CRYBG1: variants seen among roughly 807,000 people sequenced by gnomAD.
The protein encoded by CRYBG1 is beta/gamma crystallin domain-containing protein 1.
In CRYBG1, 139 loss-of-function variants were observed where a neutral mutation model predicts 189.2. The ratio of observed to expected loss-of-function variants is 0.73; its 90% CI spans 0.64 to 0.85. The LOEUF is 0.85. CRYBG1 is among the 40% of genes least tolerant of loss of function. CRYBG1 has a pLI of 0.00. For missense variants in CRYBG1, 2,611 were observed against 2,675.8 expected, an observed-to-expected ratio of 0.98 and a Z score of 0.53; for synonymous variants, 1,023 against 1,017.1, an observed-to-expected ratio of 1.01 and a Z score of -0.11.
At chr6:106,449,292 C>A (rs1771731308) in intron 1 of CRYBG1, 1 of 152,258 alleles carries the variant, frequency 6.6e-6, no homozygotes, top group Non-Finnish European at 1.5e-5. Context: ...AGTCAATGGG[C>A]ACATATGTTT....
chr6:106,543,304 A>C, intron 10 of CRYBG1, 136 bp from the exon 11 acceptor site: 1 of 782,742 alleles, frequency 1.3e-6, no homozygotes, highest in Non-Finnish European at 2.0e-6. Flanking sequence ...TGCTGGGATA[A>C]CAGGCGTGAG....
chr6:106,511,918 C>T lies in CRYBG1; in HGVS notation c.801C>T (p.Asn267=), dbSNP rs1582806808. The change falls in exon 3 of 22, where the codon AAC becomes AAT. Residue 267 remains asparagine, a synonymous_variant. Coordinates refer to ENST00000633556, the MANE Select transcript of CRYBG1 (RefSeq NM_001371242.2). The part of the protein sequence containing the change: ...SSPGNSSRQE[N]AETPARSPGE... ...CGGGAAATTCCTCCAGGCAAGAGAA[C>T]GCAGAGACGCCCGCCCGCAGTCCGG... 4 of 1,524,264 alleles carry T rather than the reference C, an allele frequency of 2.6e-6. No individual in the cohort carries two copies. The highest frequency in any genetic ancestry group is 4.9e-5 in the East Asian group (2 of 40,718). The allele number at this position is 1,524,264 out of a possible 1,614,324, so 94.4% of individuals were successfully genotyped here. A position where few individuals can be genotyped will look rare whatever the true frequency, so the allele number is the denominator to read the frequency against.
chr6:106,480,854 C>A, intron 2 of CRYBG1, among the ~76,000 whole-genome samples: 1 of 150,664 alleles, frequency 6.6e-6, no homozygotes, highest in Non-Finnish European at 1.5e-5. Context: ...TGCCTGTAAT[C>A]CAGCTGCTTG....
intron 1 of CRYBG1, among the ~76,000 whole-genome samples, chr6:106,374,660 A>G (rs1770111745): frequency 6.6e-6 from 1 of 152,214 alleles, no homozygotes; most frequent in South Asian, 2.1e-4. Flanking sequence ...TGTTACTGCT[A>G]AAGGAATTCC....
chr6:106,422,344 A>ATTTATTTATTTTTTTT (rs57640822), intron 1 of CRYBG1, among the ~76,000 whole-genome samples: 2,264 of 139,836 alleles, frequency 0.016, 55 homozygotes, highest in African/African-American at 0.037. Context: ...TTATTTATTT[A>ATTTATTTATTTTTTTT]TTTTTGAGAC....
At chr6:106,399,657 TC>T (rs1192377231) in intron 1 of CRYBG1, among the ~76,000 whole-genome samples, 1 of 85,018 alleles carries the variant, frequency 1.2e-5, no homozygotes, top group East Asian at 4.7e-4. Context: ...AGTTTTTCTT[TC>T]TTTTTTTTTT....
chr6:106,460,219 C>T (rs1365666277), intron 2 of CRYBG1, among the ~76,000 whole-genome samples: 34 of 151,928 alleles, frequency 2.2e-4, no homozygotes, highest in Admixed American at 2.2e-3. Flanking sequence ...TCTTGATCTC[C>T]TGACCTCGTG....
chr6:106,486,434 G>A (rs1772593722), intron 2 of CRYBG1, among the ~76,000 whole-genome samples: 1 of 152,048 alleles, frequency 6.6e-6, no homozygotes, highest in Admixed American at 6.6e-5. Flanking sequence ...GCTATTGGAT[G>A]GAATGTTCTG....
intron 1 of CRYBG1, among the ~76,000 whole-genome samples, chr6:106,426,661 G>T (rs1012846921): frequency 1.3e-5 from 2 of 152,172 alleles, no homozygotes; most frequent in Non-Finnish European, 2.9e-5. Flanking sequence ...GGTGTCCCCA[G>T]TGGGCAGAGT....
chr6:106,493,998 C>T (rs1485455794), intron 2 of CRYBG1, among the ~76,000 whole-genome samples: 1 of 152,062 alleles, frequency 6.6e-6, no homozygotes, highest in African/African-American at 2.4e-5. Context: ...GTGGTATATG[C>T]ATACAATGGT....
At chr6:106,470,228 G>A (rs9386549) in intron 2 of CRYBG1, among the ~76,000 whole-genome samples, 19,856 of 152,136 alleles carry the variant, frequency 0.13, 1,506 homozygotes, top group South Asian at 0.25. Context: ...GGAGGCTGAG[G>A]AGGGAAGATC....
chr6:106,427,854 C>G (rs911140104), intron 1 of CRYBG1, among the ~76,000 whole-genome samples: 1 of 152,168 alleles, frequency 6.6e-6, no homozygotes, highest in Non-Finnish European at 1.5e-5. Flanking sequence ...CTCTGTCTGC[C>G]TCTTGCAGCT....
At chr6:106,362,319 T>G (rs1362076993) in intron 1 of CRYBG1, among the ~76,000 whole-genome samples, 6 of 152,190 alleles carry the variant, frequency 3.9e-5, no homozygotes, top group South Asian at 2.1e-4. Context: ...TTTCATTCAC[T>G]TATTGTATTG....
rs144447596 is a variant in CRYBG1, at chr6:106,497,634, G to A, written c.313-13796G>A. On this transcript the variant is annotated intron_variant, in intron 2 of 21. Transcript: ENST00000633556. ...GAACAGAACAAGCAATAGAAGAAGA[G>A]AAAGAGCACAAACATTACTAGGCAT... Among the ~76,000 whole-genome samples the A allele has an allele frequency of 7.9e-5, 12 of 152,358 alleles. No homozygotes were observed. In the East Asian group the frequency reaches 2.1e-3, roughly 27 times the overall value.
At chr6:106,465,990 T>C (rs1043401237) in intron 2 of CRYBG1, among the ~76,000 whole-genome samples, 6 of 152,196 alleles carry the variant, frequency 3.9e-5, no homozygotes, top group African/African-American at 1.4e-4. Flanking sequence ...ATCCCTTCCT[T>C]CCAGTCATTT....
chr6:106,439,139 G>A (rs916035523), intron 1 of CRYBG1, among the ~76,000 whole-genome samples: 1 of 151,414 alleles, frequency 6.6e-6, no homozygotes, highest in Non-Finnish European at 1.5e-5. Context: ...AAAAACGGAT[G>A]ACAGATTGGG....
At chr6:106,494,930 A>G (rs1476079529) in intron 2 of CRYBG1, among the ~76,000 whole-genome samples, 1 of 152,214 alleles carries the variant, frequency 6.6e-6, no homozygotes, top group East Asian at 1.9e-4. Flanking sequence ...CTTGTTCACC[A>G]GAGAAGGAAA....
intron 15 of CRYBG1, among the ~76,000 whole-genome samples, chr6:106,552,652 T>TA (rs1184411984): frequency 1.3e-5 from 2 of 151,686 alleles, no homozygotes; most frequent in African/African-American, 4.8e-5. Context: ...TACTCATTTT[T>TA]ATGCCTGAAA....
At chr6:106,436,596 A>ATC (rs35687385) in intron 1 of CRYBG1, among the ~76,000 whole-genome samples, 92,058 of 151,862 alleles carry the variant, frequency 0.61, 29,655 homozygotes, top group African/African-American at 0.83. Flanking sequence ...CCCGGCCGCA[A>ATC]TCTTATTCTA....
Sources: gnomAD v4.1 joint callset for allele counts (sites outside exome capture counted in the v4.1 genomes callset) on GRCh38, gnomAD v4.1.1 for gene constraint, MANE v1.5 for transcripts, NCBI Gene and HGNC (gene_info 2026-07-23, HGNC 2026-07-21) for gene names.